Variants in CSRNP3 observed in about 807,000 individuals in gnomAD.
The protein encoded by CSRNP3 is cysteine/serine-rich nuclear protein 3.
CSRNP3 carries 12 observed loss-of-function variants against 48.0 expected under a neutral mutation model. The observed-to-expected ratio is 0.25, with a 90% CI of 0.16 to 0.41. The LOEUF is 0.41. Ranked by LOEUF, CSRNP3 falls within the 10% of genes least tolerant of loss-of-function variation. The pLI is 1.00. For missense variants in CSRNP3, 580 were observed against 724.4 expected (o/e 0.80, Z 2.29); for synonymous variants, 263 against 269.7 (o/e 0.98, Z 0.24).
intron 1 of CSRNP3, among the ~76,000 whole-genome samples, chr2:165,474,302 A>G (rs1181805558): frequency 6.6e-6 from 1 of 151,978 alleles, no homozygotes; most frequent in Non-Finnish European, 1.5e-5. Flanking sequence ...TTCACAGGCA[A>G]GATTATAGTG....
intron 3 of CSRNP3, among the ~76,000 whole-genome samples, chr2:165,584,884 T>A (rs899695133): frequency 6.6e-6 from 1 of 152,154 alleles, no homozygotes; most frequent in African/African-American, 2.4e-5. Context: ...TAAGGATAGA[T>A]GATGAGCTAA....
chr2:165,669,875 G>C (rs1687300788), intron 5 of CSRNP3, among the ~76,000 whole-genome samples: 1 of 151,978 alleles, frequency 6.6e-6, no homozygotes, highest in South Asian at 2.1e-4. Flanking sequence ...GATCCTAACA[G>C]TACAACATAG....
At position 165,676,671 on chromosome 2, in the gene CSRNP3, A is replaced by G. The variant is rs1016444638; in HGVS notation, c.705+63A>G. On this transcript the variant is annotated intron_variant, in intron 6 of 6. Transcript: ENST00000651982. The stretch of plus-strand genomic sequence containing the variant: ...ATTGTCTACCACCCCCTAAGGAGGC[A>G]GTCATGGTACCTATAATGAAGCTTC... The G allele has an allele frequency of 9.5e-6, 14 of 1,471,100 alleles. No homozygotes were observed. In the East Asian group the frequency reaches 3.0e-4, roughly 31 times the overall value. 91.1% of individuals were successfully genotyped at this position (1,471,100 alleles called of 1,614,324 possible).
intron 3 of CSRNP3, among the ~76,000 whole-genome samples, chr2:165,569,493 CCTATTTGT>C (rs1299312940): frequency 6.6e-6 from 1 of 151,912 alleles, no homozygotes; most frequent in Non-Finnish European, 1.5e-5. Flanking sequence ...TTCTATGAGG[CCTATTTGT>C]CTTTAGAGAA....
intron 2 of CSRNP3, among the ~76,000 whole-genome samples, chr2:165,513,872 C>T (rs1037837585): frequency 6.6e-6 from 1 of 152,112 alleles, no homozygotes; most frequent in Admixed American, 6.5e-5. Flanking sequence ...CTTTACTTTC[C>T]CCATCAGCAT....
At chr2:165,530,103 A>T (rs971235501) in intron 3 of CSRNP3, among the ~76,000 whole-genome samples, 1 of 152,158 alleles carries the variant, frequency 6.6e-6, no homozygotes, top group Non-Finnish European at 1.5e-5. Context: ...ATCTATGAGG[A>T]TTTATAAAAG....
intron 3 of CSRNP3, among the ~76,000 whole-genome samples, chr2:165,584,118 A>G (rs1685590017): frequency 6.6e-6 from 1 of 152,200 alleles, no homozygotes; most frequent in Non-Finnish European, 1.5e-5. Flanking sequence ...TTTTTCATGA[A>G]TCAATATTAT....
rs1687261489 is a variant in CSRNP3 at position 165,667,904 on chromosome 2, A to C, written c.409-8408A>C. 3.3e-5 allele frequency among the ~76,000 whole-genome samples: 5 copies of C among 152,342 alleles called. No individual in the cohort carries two copies. In the South Asian group the frequency reaches 1.0e-3, roughly 32 times the overall value. On this transcript the variant is annotated intron_variant, in intron 5 of 6. Transcript: ENST00000651982. ...TCCTTATATGGCAGAACTGTTGTAC[A>C]TCTATAAAACTCCATACCTAGTACA... is the stretch of plus-strand genomic sequence containing the variant.
chr2:165,573,682 A>G (rs934411769), intron 3 of CSRNP3, among the ~76,000 whole-genome samples: 2 of 152,202 alleles, frequency 1.3e-5, no homozygotes, highest in Non-Finnish European at 2.9e-5. Context: ...GATAGTCTCT[A>G]AGACACTTGG....
At chr2:165,678,621 A>G (rs1687468726) in intron 6 of CSRNP3, 80 bp from the exon 7 acceptor site, 2 of 1,502,430 alleles carry the variant, frequency 1.3e-6, no homozygotes. Flanking sequence ...TACTTAATTC[A>G]AAGAAGTTAC....
intron 3 of CSRNP3, among the ~76,000 whole-genome samples, chr2:165,573,701 A>G (rs1350063523): frequency 1.3e-5 from 2 of 152,206 alleles, no homozygotes; most frequent in Non-Finnish European, 1.5e-5. Flanking sequence ...GGGCACATTT[A>G]ACATTTTACA....
chr2:165,650,183 T>C (rs1204886654), intron 4 of CSRNP3, among the ~76,000 whole-genome samples: 1 of 152,194 alleles, frequency 6.6e-6, no homozygotes, highest in African/African-American at 2.4e-5. Context: ...AATACCTTAT[T>C]TGAGCAAATT....
At chr2:165,610,299 T>C (rs1161484689) in intron 4 of CSRNP3, among the ~76,000 whole-genome samples, 1 of 152,192 alleles carries the variant, frequency 6.6e-6, no homozygotes, top group Non-Finnish European at 1.5e-5. Flanking sequence ...CTTTTCCAAA[T>C]TTCCGCAAAC....
At chr2:165,591,231 AT>A (rs1247602060) in intron 3 of CSRNP3, among the ~76,000 whole-genome samples, 1 of 152,206 alleles carries the variant, frequency 6.6e-6, no homozygotes, top group Non-Finnish European at 1.5e-5. Flanking sequence ...GACTGGCAGC[AT>A]TTTGTCACTG....
intron 4 of CSRNP3, among the ~76,000 whole-genome samples, chr2:165,605,333 C>T (rs1167100255): frequency 6.6e-6 from 1 of 152,016 alleles, no homozygotes; most frequent in African/African-American, 2.4e-5. Flanking sequence ...ACAATGTTCC[C>T]ATGACTGACT....
chr2:165,559,139 T>C (rs1685198237), intron 3 of CSRNP3, among the ~76,000 whole-genome samples: 1 of 152,178 alleles, frequency 6.6e-6, no homozygotes, highest in Non-Finnish European at 1.5e-5. Flanking sequence ...TGCCTGTTAA[T>C]CATATAGAAA....
chr2:165,531,967 G>A (rs1213399011), intron 3 of CSRNP3, among the ~76,000 whole-genome samples: 1 of 152,128 alleles, frequency 6.6e-6, no homozygotes, highest in Non-Finnish European at 1.5e-5. Context: ...AGAAGAAGTG[G>A]ATAAATTCCT....
At chr2:165,625,967 A>T (rs978213384) in intron 4 of CSRNP3, among the ~76,000 whole-genome samples, 1 of 151,480 alleles carries the variant, frequency 6.6e-6, no homozygotes, top group African/African-American at 2.4e-5. Flanking sequence ...TCACACCTGT[A>T]ATCCTAGCAC....
intron 1 of CSRNP3, among the ~76,000 whole-genome samples, chr2:165,481,936 C>A (rs1684049021): frequency 6.6e-6 from 1 of 151,994 alleles, no homozygotes; most frequent in African/African-American, 2.4e-5. Flanking sequence ...CTCGAGGAGA[C>A]AGAGTGCGGG....
Sources: allele counts gnomAD v4.1 joint callset (sites outside exome capture counted in the v4.1 genomes callset), GRCh38; gene constraint gnomAD v4.1.1; transcripts MANE v1.5; gene names NCBI Gene and HGNC (gene_info 2026-07-23, HGNC 2026-07-21).